PDE1C: variants seen among roughly 807,000 people sequenced by gnomAD.
PDE1C encodes phosphodiesterase 1C.
Under a neutral mutation model 93.1 loss-of-function variants are expected in PDE1C, and 62 were observed. The observed-to-expected ratio is 0.67, with a 90% CI of 0.54 to 0.82. The LOEUF is 0.82. Among genes scored for constraint, PDE1C ranks in the 40% least tolerant of loss-of-function variants. The probability of loss-of-function intolerance (pLI) is 0.00; values close to 1 mark genes in which losing one functional copy is unlikely to be tolerated. For missense variants in PDE1C, 742 were observed against 884.6 expected, an observed-to-expected ratio of 0.84 and a Z score of 2.04; for synonymous variants, 325 against 310.1, an observed-to-expected ratio of 1.05 and a Z score of -0.50.
At chr7:32,354,347 C>A (rs1562687437) in intron 1 of PDE1C, among the ~76,000 whole-genome samples, 1 of 151,996 alleles carries the variant, frequency 6.6e-6, no homozygotes, top group African/African-American at 2.4e-5. Flanking sequence ...AAAGTTTGGG[C>A]CAGGTGCAGT....
chr7:32,033,391 TC>T (rs1212570117), intron 2 of PDE1C, among the ~76,000 whole-genome samples: 1 of 152,130 alleles, frequency 6.6e-6, no homozygotes, highest in South Asian at 2.1e-4. Context: ...GGAATATATT[TC>T]ATGCCACTCT....
At chr7:31,633,772 T>C in the PDE1C span, among the ~76,000 whole-genome samples, 1 of 152,216 alleles carries the variant, frequency 6.6e-6, no homozygotes, top group Admixed American at 6.5e-5. Flanking sequence ...AACTTGACCA[T>C]AAAATAGTTA....
chr7:31,908,445 T>G (rs1329235764), intron 2 of PDE1C, among the ~76,000 whole-genome samples: 1 of 152,142 alleles, frequency 6.6e-6, no homozygotes, highest in Non-Finnish European at 1.5e-5. Flanking sequence ...CAGCGTATGC[T>G]CCACACATCC....
chr7:32,019,959 T>C (rs1303604057), intron 2 of PDE1C, among the ~76,000 whole-genome samples: 1 of 152,098 alleles, frequency 6.6e-6, no homozygotes, highest in Non-Finnish European at 1.5e-5. Flanking sequence ...AGCTGGAGGA[T>C]GTAGCTTTGA....
At chr7:32,221,691 C>T (rs1250476546) in intron 1 of PDE1C, among the ~76,000 whole-genome samples, 2 of 152,200 alleles carry the variant, frequency 1.3e-5, no homozygotes, top group African/African-American at 4.8e-5. Flanking sequence ...TGTGAAAATG[C>T]ATGCTATGGA....
At chr7:32,396,848 T>C (rs1784848111) in intron 1 of PDE1C, among the ~76,000 whole-genome samples, 1 of 152,224 alleles carries the variant, frequency 6.6e-6, no homozygotes, top group Non-Finnish European at 1.5e-5. Context: ...AAATCTAATA[T>C]TTGATACAGG....
intron 1 of PDE1C, among the ~76,000 whole-genome samples, chr7:32,397,168 CAT>C (rs1784852742): frequency 6.6e-6 from 1 of 151,926 alleles, no homozygotes; most frequent in Non-Finnish European, 1.5e-5. Flanking sequence ...CAAAAAATAT[CAT>C]AACCAAAGCC....
chr7:31,967,392 C>A (rs775058689), intron 2 of PDE1C, among the ~76,000 whole-genome samples: 42 of 152,164 alleles, frequency 2.8e-4, no homozygotes, highest in Admixed American at 8.5e-4. Context: ...CACATACACT[C>A]TCCCAAGACT....
chr7:31,844,142 T>G (rs1456756160), intron 9 of PDE1C, among the ~76,000 whole-genome samples: 1 of 151,820 alleles, frequency 6.6e-6, no homozygotes, highest in East Asian at 1.9e-4. Flanking sequence ...AAAAATGGTA[T>G]TTTACATTTA....
intron 2 of PDE1C, among the ~76,000 whole-genome samples, chr7:32,039,812 A>G (rs556908647): frequency 6.6e-5 from 10 of 152,206 alleles, no homozygotes; most frequent in Non-Finnish European, 1.3e-4. Context: ...CCCAGTAAAT[A>G]TATTTTGTTT....
intron 3 of PDE1C, among the ~76,000 whole-genome samples, chr7:32,133,846 A>C (rs1800060848): frequency 6.6e-6 from 1 of 152,166 alleles, no homozygotes; most frequent in African/African-American, 2.4e-5. Flanking sequence ...AAAAGTTGAA[A>C]GCAGCTATTA....
chr7:32,268,318 C>T (rs1810748932), intron 1 of PDE1C, among the ~76,000 whole-genome samples: 1 of 152,154 alleles, frequency 6.6e-6, no homozygotes, highest in Non-Finnish European at 1.5e-5. Context: ...TTGGCCCCAT[C>T]GCTTACTGAC....
intron 1 of PDE1C, among the ~76,000 whole-genome samples, chr7:32,326,479 C>A (rs926024702): frequency 6.6e-6 from 1 of 152,166 alleles, no homozygotes; most frequent in Non-Finnish European, 1.5e-5. Context: ...CAGGGCGAGT[C>A]AGTGAGGAAT....
upstream of PDE1C, among the ~76,000 whole-genome samples, chr7:32,302,707 A>T (rs1240632345): frequency 6.6e-6 from 1 of 151,940 alleles, no homozygotes; most frequent in Non-Finnish European, 1.5e-5. Flanking sequence ...GAAAAATATA[A>T]GACAACATAT....
At chr7:31,790,356 C>CA (rs1189630132) in intron 16 of PDE1C, 83 of 988,444 alleles carry the variant, frequency 8.4e-5, no homozygotes, top group South Asian at 3.8e-4. Flanking sequence ...TCTAGGGGAC[C>CA]AAAAAAAATG....
At chr7:32,162,041 T>A (rs2128798730) in intron 3 of PDE1C, among the ~76,000 whole-genome samples, 1 of 152,274 alleles carries the variant, frequency 6.6e-6, no homozygotes, top group South Asian at 2.1e-4. Context: ...GGTGTGTCCA[T>A]CAGCAGACCT....
chr7:31,946,618 C>T (rs1806651074), intron 2 of PDE1C, among the ~76,000 whole-genome samples: 1 of 152,134 alleles, frequency 6.6e-6, no homozygotes, highest in Non-Finnish European at 1.5e-5. Context: ...CTTGATGCAC[C>T]ACTTCCTTTC....
chr7:31,892,474 T>A (rs1428214496), intron 2 of PDE1C, among the ~76,000 whole-genome samples: 1 of 152,194 alleles, frequency 6.6e-6, no homozygotes, highest in Non-Finnish European at 1.5e-5. Context: ...CTGGCAGTGA[T>A]CCCCTGGGAC....
chr7:32,349,368 A>G (rs1406915284), intron 1 of PDE1C, among the ~76,000 whole-genome samples: 3 of 152,182 alleles, frequency 2.0e-5, no homozygotes, highest in African/African-American at 7.2e-5. Flanking sequence ...TCACAAAGAC[A>G]TAGATTATGA....
Sources: gnomAD v4.1 joint callset for allele counts (sites outside exome capture counted in the v4.1 genomes callset) on GRCh38, gnomAD v4.1.1 for gene constraint, MANE v1.5 for transcripts, NCBI Gene and HGNC (gene_info 2026-07-23, HGNC 2026-07-21) for gene names.